The following SMYD3 variants were observed in gnomAD, a reference collection of about 807,000 sequenced individuals.
SMYD3 encodes the protein SET and MYND domain containing 3.
In SMYD3, 36 loss-of-function variants were observed where a neutral mutation model predicts 57.7. The ratio of observed to expected loss-of-function variants is 0.62; its 90% CI spans 0.48 to 0.82. The LOEUF (loss-of-function observed/expected upper bound fraction) is 0.82, where lower values mean the gene tolerates loss of function less well. Among genes scored for constraint, SMYD3 ranks in the 40% least tolerant of loss-of-function variants. The pLI is 0.00. For synonymous variants in SMYD3, 211 were observed against 195.0 expected, an observed-to-expected ratio of 1.08 and a Z score of -0.68; for missense variants, 515 against 538.8, an observed-to-expected ratio of 0.96 and a Z score of 0.44.
At chr1:246,311,643 G>A (rs1181884946) in intron 5 of SMYD3, among the ~76,000 whole-genome samples, 2 of 152,238 alleles carry the variant, frequency 1.3e-5, no homozygotes, top group African/African-American at 4.8e-5. Context: ...CGCGTGACAC[G>A]CATACACACA....
rs749022916 is a variant in SMYD3 at position 246,054,873 on chromosome 1, T to TAAAAAAAAAAAAAA, written c.532-124950_532-124937dup. On this transcript the variant is annotated intron_variant, in intron 5 of 11. Transcript: ENST00000490107. ...ACCTTAACACTCATTAGGATGACTA[T>TAAAAAAAAAAAAAA]AAAAAAAAAAAAAAAAAAAAGGCCA... is the stretch of plus-strand genomic sequence containing the variant. 6.3e-5 allele frequency among the ~76,000 whole-genome samples: 5 copies of TAAAAAAAAAAAAAA among 79,120 alleles called. 1 individual carries two copies. The highest frequency in any genetic ancestry group is 3.5e-4 in the East Asian group (1 of 2,838). The allele number at this position is 79,120 out of a possible 152,430, so 51.9% of individuals were successfully genotyped here. A position where few individuals can be genotyped will look rare whatever the true frequency, so the allele number is the denominator to read the frequency against.
At chr1:246,172,869 G>A (rs562838894) in intron 5 of SMYD3, among the ~76,000 whole-genome samples, 1 of 146,126 alleles carries the variant, frequency 6.8e-6, no homozygotes, top group East Asian at 2.1e-4. Context: ...ACACACTTAG[G>A]CTACACAGGC....
At position 246,275,961 on chromosome 1, in the gene SMYD3, A is replaced by G. The variant is rs547991329; in HGVS notation, c.531+51240T>C. 1.1e-4 allele frequency among the ~76,000 whole-genome samples: 17 copies of G among 150,230 alleles called. No homozygotes were observed. In the East Asian group the frequency reaches 1.6e-3, roughly 14 times the overall value. ...TCTGTTTTTCACTAGTCGTATTAAC[A>G]CTGGCAGGTTATTTAATGTCTGTAG... On this transcript the variant is annotated intron_variant, in intron 5 of 11. Transcript: ENST00000490107.
intron 1 of SMYD3, among the ~76,000 whole-genome samples, chr1:246,493,616 A>T (rs1487851444): frequency 1.3e-5 from 2 of 152,188 alleles, no homozygotes; most frequent in African/African-American, 2.4e-5. Flanking sequence ...CTACTGGGAG[A>T]TCACACTCAC....
At chr1:246,402,675 G>A (rs74154505) in intron 1 of SMYD3, among the ~76,000 whole-genome samples, 1,822 of 152,276 alleles carry the variant, frequency 0.012, 31 homozygotes, top group Middle Eastern at 0.041. Flanking sequence ...TTAAGTCTAT[G>A]TGAGGCTTCC....
chr1:245,807,009 G>C (rs908068221), intron 10 of SMYD3, among the ~76,000 whole-genome samples: 2 of 150,954 alleles, frequency 1.3e-5, no homozygotes, highest in Admixed American at 6.6e-5. Context: ...AATGAGTCAG[G>C]ATTGAGGACA....
chr1:245,986,794 C>T (rs2058714740), intron 5 of SMYD3, among the ~76,000 whole-genome samples: 1 of 152,196 alleles, frequency 6.6e-6, no homozygotes, highest in East Asian at 1.9e-4. Flanking sequence ...TTGAAACAGG[C>T]TGTGTACAAC....
In SMYD3 at chr1:246,355,866, TGC is replaced by T. The variant is rs1350763320; in HGVS notation, c.165-774_165-773del. Among the ~76,000 whole-genome samples, 3 of 152,062 alleles carry T rather than the reference TGC, an allele frequency of 2.0e-5. No individual in the cohort carries two copies. The highest frequency in any genetic ancestry group is 4.4e-5 in the Non-Finnish European group (3 of 68,008). ...GTGGTCTTTCTCTACCAGCCCTGGG[TGC>T]CAAAGACAAAGGCCATAATCTCTTG... On this transcript the variant is annotated intron_variant, in intron 1 of 11. Transcript: ENST00000490107. The surrounding 1 kb of genome is among the most constrained non-coding windows in gnomAD (Gnocchi z 5.0).
intron 5 of SMYD3, among the ~76,000 whole-genome samples, chr1:246,006,636 G>A (rs78843055): frequency 0.055 from 8,352 of 152,176 alleles, 269 homozygotes; most frequent in Non-Finnish European, 0.069. Flanking sequence ...TGTGTGAATA[G>A]AGACAATTTA....
chr1:245,843,510 T>C (rs939195910), intron 10 of SMYD3, among the ~76,000 whole-genome samples: 2 of 151,640 alleles, frequency 1.3e-5, no homozygotes, highest in African/African-American at 4.8e-5. Flanking sequence ...TAATCAGAAA[T>C]GTTTCATATA....
intron 8 of SMYD3, among the ~76,000 whole-genome samples, chr1:245,892,436 G>A (rs2053445206): frequency 6.6e-6 from 1 of 152,186 alleles, no homozygotes; most frequent in East Asian, 1.9e-4. Flanking sequence ...CCATCACAGG[G>A]AAGGTAACTT....
chr1:246,033,402 T>C (rs1232296533), intron 5 of SMYD3, among the ~76,000 whole-genome samples: 2 of 152,186 alleles, frequency 1.3e-5, no homozygotes, highest in South Asian at 4.1e-4. Context: ...GGTTGGGATG[T>C]AAGGAAAGTG....
intron 5 of SMYD3, among the ~76,000 whole-genome samples, chr1:246,114,721 A>C (rs1288894187): frequency 6.6e-6 from 1 of 152,066 alleles, no homozygotes; most frequent in Non-Finnish European, 1.5e-5. Context: ...ACCTCTGCCT[A>C]CCAGGTTCAA....
intron 8 of SMYD3, among the ~76,000 whole-genome samples, chr1:245,896,107 C>T: frequency 6.6e-6 from 1 of 152,124 alleles, no homozygotes; most frequent in East Asian, 1.9e-4. Context: ...TCATAGAAGG[C>T]TCTGTGATAA....
At chr1:246,164,747 T>C (rs2062177938) in intron 5 of SMYD3, among the ~76,000 whole-genome samples, 1 of 152,256 alleles carries the variant, frequency 6.6e-6, no homozygotes, top group South Asian at 2.1e-4. Flanking sequence ...ATGGAGTTTA[T>C]GTTCTTGTGA....
intron 5 of SMYD3, among the ~76,000 whole-genome samples, chr1:246,114,963 A>C (rs2061319646): frequency 6.6e-6 from 1 of 152,174 alleles, no homozygotes; most frequent in African/African-American, 2.4e-5. Flanking sequence ...TGTTTCAGTA[A>C]ATTATTTACT....
rs12040853 is a variant in SMYD3, at chr1:246,116,103, G to A, written c.532-186166C>T. ...TGCAGTGAGCCGAGATCATACCACTGCGCTCCAGCCTGGGCGACAAGGGCG... is the reference window on the plus strand; with the variant it reads ...TGCAGTGAGCCGAGATCATACCACTACGCTCCAGCCTGGGCGACAAGGGCG... On this transcript the variant is annotated intron_variant, in intron 5 of 11. Transcript: ENST00000490107. Among the ~76,000 whole-genome samples, 22 of 152,048 alleles carry A rather than the reference G, an allele frequency of 1.4e-4. No individual in the cohort carries two copies. The East Asian group carries it at 4.3e-3, about 29-fold the overall frequency.
chr1:245,856,981 A>T (rs2051275593), intron 10 of SMYD3, among the ~76,000 whole-genome samples: 1 of 152,370 alleles, frequency 6.6e-6, no homozygotes, highest in South Asian at 2.1e-4. Flanking sequence ...ACTAAGGCTC[A>T]GAGAGGAAGC....
At chr1:246,107,637 A>T (rs1308228716) in intron 5 of SMYD3, among the ~76,000 whole-genome samples, 1 of 152,214 alleles carries the variant, frequency 6.6e-6, no homozygotes, top group East Asian at 1.9e-4. Context: ...AAATCCCAGC[A>T]CTTGTCTCTT....
Sources: allele counts gnomAD v4.1 joint callset (sites outside exome capture counted in the v4.1 genomes callset), GRCh38; gene constraint gnomAD v4.1.1; non-coding constraint Gnocchi (gnomAD v3.1); transcripts MANE v1.5; gene names NCBI Gene and HGNC (gene_info 2026-07-23, HGNC 2026-07-21).